CAPN3: variants seen among roughly 807,000 people sequenced by gnomAD.
CAPN3 encodes calpain 3, also known as calpain-3.
Under a neutral mutation model 114.0 loss-of-function variants are expected in CAPN3, and 88 were observed. The observed-to-expected ratio is 0.77, with a 90% CI of 0.65 to 0.92. CAPN3 has a LOEUF of 0.92. Ranked by LOEUF, CAPN3 falls within the 40% of genes least tolerant of loss-of-function variation. The pLI, the probability that CAPN3 is intolerant of heterozygous loss-of-function variation, is 0.00. For synonymous variants in CAPN3, 386 were observed against 382.9 expected, an observed-to-expected ratio of 1.01 and a Z score of -0.09; for missense variants, 1,028 against 1,069.0, an observed-to-expected ratio of 0.96 and a Z score of 0.53.
At chr15:42,396,059 A>G (rs905526658) in intron 8 of CAPN3, among the ~76,000 whole-genome samples, 2 of 152,198 alleles carry the variant, frequency 1.3e-5, no homozygotes, top group South Asian at 4.1e-4. Flanking sequence ...GACAGACACT[A>G]TGCTAACAGC....
At chr15:42,395,697 C>G (rs1299400834) in intron 8 of CAPN3, among the ~76,000 whole-genome samples, 1 of 152,206 alleles carries the variant, frequency 6.6e-6, no homozygotes, top group Non-Finnish European at 1.5e-5. Context: ...TACCATGATG[C>G]TGCCATCACA....
chr15:42,403,914 G>T, intron 14 of CAPN3, 137 bp downstream of exon 14: 1 of 835,706 alleles, frequency 1.2e-6, no homozygotes, highest in Non-Finnish European at 2.1e-6. Flanking sequence ...GTCCCTCCTT[G>T]GCACTGCAAA....
chr15:42,377,570 T>C (rs1385083369), intron 1 of CAPN3, among the ~76,000 whole-genome samples: 1 of 152,204 alleles, frequency 6.6e-6, no homozygotes, highest in Non-Finnish European at 1.5e-5. Flanking sequence ...TTTGAGTTGC[T>C]CATATTTTGT....
chr15:42,403,536 A>G (rs1030720827), intron 13 of CAPN3, among the ~76,000 whole-genome samples: 3 of 152,068 alleles, frequency 2.0e-5, no homozygotes, highest in Non-Finnish European at 4.4e-5. Flanking sequence ...TCTGAGCAAT[A>G]CTAACAAGAA....
chr15:42,404,766 TGACAG>T, intron 14 of CAPN3: 1 of 1,125,070 alleles, frequency 8.9e-7, no homozygotes, highest in Non-Finnish European at 1.1e-6. Context: ...TTCTGGGCAG[TGACAG>T]TCATGGTCAT....
chr15:42,409,375 G>A lies in CAPN3; in HGVS notation c.1987G>A (p.Gly663Arg). 4.3e-6 allele frequency: 7 copies of A among 1,613,982 alleles called. No homozygotes were observed. The highest frequency in any genetic ancestry group is 1.7e-5 in the Admixed American group (1 of 60,016). ...CCGGAACATTTTCAAGCAGATAGCA[G>A]GAGATGTGAGTACCTCCAAGCCCAG... is the stretch of plus-strand genomic sequence containing the variant. The part of the protein sequence containing the change: ...QFRNIFKQIA[G>R]DDMEICADEL... Residue 663 changes from glycine (G) to arginine (R), a missense_variant, in exon 17 of 24, where the codon GGA (glycine) becomes AGA (arginine). Coordinates refer to ENST00000397163, the MANE Select transcript of CAPN3 (RefSeq NM_000070.3).
intron 10 of CAPN3, among the ~76,000 whole-genome samples, chr15:42,400,113 C>T (rs934407272): frequency 1.3e-5 from 2 of 152,152 alleles, no homozygotes; most frequent in African/African-American, 4.8e-5. Context: ...AAGTGAAAAA[C>T]AGAATGGTTG....
chr15:42,390,487 TTC>T (rs1280936786), intron 6 of CAPN3, among the ~76,000 whole-genome samples: 1 of 152,222 alleles, frequency 6.6e-6, no homozygotes, highest in Non-Finnish European at 1.5e-5. Context: ...ACAAAGCAAA[TTC>T]TCTCCTCTTT....
rs2053877613 is a variant in CAPN3 at position 42,401,754 on chromosome 15, CG to C, written c.1470del (p.Lys491ArgfsTer5). The C allele has an allele frequency of 6.2e-7, 1 of 1,613,988 alleles. No individual in the cohort carries two copies. The highest frequency in any genetic ancestry group is 8.5e-7 in the Non-Finnish European group (1 of 1,179,974). On this transcript the variant is annotated frameshift_variant, in exon 11 of 24. Transcript: ENST00000397163. LOFTEE classifies it high-confidence loss of function. ...GGTGGCCCTGATGCAGAAGAACCGGCGGAAGGACCGGAAGCTAGGGGCCAGT... is the reference window on the plus strand; with the variant it reads ...GGTGGCCCTGATGCAGAAGAACCGGCGAAGGACCGGAAGCTAGGGGCCAGT... ...FLVALMQKNR[R>X]KDRKLGASLF... is the part of the protein sequence containing the mutation.
chr15:42,402,814 CCT>C lies in CAPN3; in HGVS notation c.1558_1559del (p.Leu520AlafsTer56). On this transcript the variant is annotated frameshift_variant, in exon 13 of 24. Transcript: ENST00000397163. LOFTEE classifies it high-confidence loss of function. ...PKEMHGNKQH[L>X]QKDFFLYNAS... The stretch of plus-strand genomic sequence containing the variant: ...CTCAGATGCACGGGAACAAGCAGCA[CCT>C]GCAGAAGGACTTCTTCCTGTACAAC... 1 of 1,614,168 alleles carries C rather than the reference CCT, an allele frequency of 6.2e-7. No individual in the cohort carries two copies. The highest frequency in any genetic ancestry group is 8.5e-7 in the Non-Finnish European group (1 of 1,180,022).
chr15:42,404,021 G>A (rs2053949113), intron 14 of CAPN3: 2 of 619,504 alleles, frequency 3.2e-6, no homozygotes, highest in Non-Finnish European at 3.0e-6. Context: ...TCCTGGAAAG[G>A]AGAAGCAATT....
intron 1 of CAPN3, among the ~76,000 whole-genome samples, chr15:42,373,108 G>T (rs1476149316): frequency 7.0e-6 from 1 of 141,894 alleles, no homozygotes; most frequent in Non-Finnish European, 1.5e-5. Context: ...CGGGAGAATT[G>T]CTTGAACCCA....
intron 1 of CAPN3, among the ~76,000 whole-genome samples, chr15:42,366,833 T>C (rs1302342897): frequency 0.019 from 2,781 of 145,118 alleles, 94 homozygotes; most frequent in African/African-American, 0.059. Flanking sequence ...TTTTTCTTTT[T>C]TTTTTTCTTT....
intron 1 of CAPN3, among the ~76,000 whole-genome samples, chr15:42,365,034 A>G (rs2052743473): frequency 6.6e-6 from 1 of 152,202 alleles, no homozygotes; most frequent in Admixed American, 6.5e-5. Flanking sequence ...CCATCAGCTC[A>G]GCTGGCCAGG....
At chr15:42,409,883 G>GGCCCCCCC in intron 18 of CAPN3, 39 bp downstream of exon 18, 4 of 559,544 alleles carry the variant, frequency 7.1e-6, no homozygotes, top group Non-Finnish European at 1.4e-5. Context: ...GGTGGGTGGG[G>GGCCCCCCC]AGTCCCGTTG....
At chr15:42,389,686 G>A (rs551618497) in intron 5 of CAPN3, among the ~76,000 whole-genome samples, 6 of 152,324 alleles carry the variant, frequency 3.9e-5, no homozygotes, top group African/African-American at 1.4e-4. Flanking sequence ...TTCCATTGGG[G>A]AGGATGGGGC....
At position 42,389,096 on chromosome 15, in the gene CAPN3, T is replaced by C. The variant is rs1271482252; in HGVS notation, c.801T>C (p.Asp267=). ...GCTCCCTCATGGGCTGCTCCATTGA[T>C]GTAAGTCTGGGGTGTGGGGCACAGG... The part of the protein sequence containing the change: ...ERGSLMGCSI[D]DGTNMTYGTS... The change falls in exon 5 of 24, where the codon GAT becomes GAC. Residue 267 remains aspartate (D), a splice_region_variant and synonymous_variant. Coordinates refer to ENST00000397163, the MANE Select transcript of CAPN3 (RefSeq NM_000070.3). 1.5e-5 allele frequency: 24 copies of C among 1,613,718 alleles called. No homozygotes were observed. The highest frequency in any genetic ancestry group is 1.8e-5 in the Non-Finnish European group (21 of 1,179,934).
intron 13 of CAPN3, 117 bp from the exon 14 acceptor site, chr15:42,403,624 C>T: frequency 1.1e-6 from 1 of 928,504 alleles, no homozygotes; most frequent in Non-Finnish European, 1.8e-6. Flanking sequence ...TCCAGGGGTT[C>T]TCTAGAGGCT....
intron 6 of CAPN3, 115 bp downstream of exon 6, chr15:42,390,211 C>T (rs566100726): frequency 1.0e-5 from 12 of 1,181,874 alleles, no homozygotes; most frequent in Admixed American, 5.3e-5. Context: ...CCCCACCTGG[C>T]ACCTCCCAAG....
Sources: gnomAD v4.1 joint callset for allele counts (sites outside exome capture counted in the v4.1 genomes callset) on GRCh38, gnomAD v4.1.1 for gene constraint, MANE v1.5 for transcripts, NCBI Gene and HGNC (gene_info 2026-07-23, HGNC 2026-07-21) for gene names.